The following CASK variants were observed in gnomAD, a reference collection of about 807,000 sequenced individuals.
CASK encodes the protein peripheral plasma membrane protein CASK.
In CASK, 4 loss-of-function variants were observed where a neutral mutation model predicts 82.9. That is an observed-to-expected ratio of 0.05 (90% CI 0.02 to 0.11). The LOEUF is 0.11. Among genes scored for constraint, CASK ranks in the 10% least tolerant of loss-of-function variants. The pLI is 1.00. For missense variants in CASK, 358 were observed against 720.9 expected, an observed-to-expected ratio of 0.50 and a Z score of 5.76; for synonymous variants, 259 against 253.5, an observed-to-expected ratio of 1.02 and a Z score of -0.20.
chrX:41,869,565 C>T lies in CASK; in HGVS notation c.60-16338G>A, dbSNP rs375037178. Among the ~76,000 whole-genome samples the T allele has an allele frequency of 2.2e-3, 247 of 109,858 alleles. 4 individuals are homozygous for T. The highest frequency in any genetic ancestry group is 7.8e-3 in the African/African-American group (236 of 30,215). On this transcript the variant is annotated intron_variant, in intron 1 of 26. Transcript: ENST00000378163. ...CAGTGACTCACGCCTGCAATCCCAG[C>T]GATCTGGGAGGCCAAGGTAGGTTGA...
At chrX:41,908,920 G>A (rs2148079707) in intron 1 of CASK, among the ~76,000 whole-genome samples, 1 of 112,188 alleles carries the variant, frequency 8.9e-6, no homozygotes, top group South Asian at 3.7e-4. Context: ...TAGCATAAAA[G>A]CAACCATAGA....
At chrX:41,729,764 AAAAAAAAAAAAAAAAAAAT>A (rs2068345368) in intron 5 of CASK, 1 of 80,903 alleles carries the variant, frequency 1.2e-5, no homozygotes, top group Non-Finnish European at 2.4e-5. Context: ...AAAAAAAAAA[AAAAAAAAAAAAAAAAAAAT>A]ATATATATAT....
chrX:41,535,638 C>T (rs1322402732), intron 22 of CASK, among the ~76,000 whole-genome samples: 1 of 111,525 alleles, frequency 9.0e-6, no homozygotes, highest in Non-Finnish European at 1.9e-5. Flanking sequence ...TACATGCTTT[C>T]CTGGGCCTGA....
At chrX:41,690,036 A>T (rs1178055287) in intron 5 of CASK, among the ~76,000 whole-genome samples, 1 of 111,262 alleles carries the variant, frequency 9.0e-6, no homozygotes, top group Non-Finnish European at 1.9e-5. Context: ...TAGGTTTTTG[A>T]ACTTGTGAAT....
rs746707347 is a variant in CASK at position 41,517,621 on chromosome X, G to A, written c.*2799C>T. 4 of 384,834 alleles carry A rather than the reference G, an allele frequency of 1.0e-5. No individual in the cohort carries two copies. Among genetic ancestry groups the A allele is most frequent in the Non-Finnish European group, 1.8e-5 (4 of 221,548 alleles). 31.7% of individuals were successfully genotyped at this position (384,834 alleles called of 1,213,427 possible). A position where few individuals can be genotyped will look rare whatever the true frequency, so the allele number is the denominator to read the frequency against. ...AATGTGGCTCTCCAATACTTCAATT[G>A]ACCACTAATAAGATTTAGTACTCTA... is the stretch of plus-strand genomic sequence containing the variant. On this transcript the variant is annotated 3_prime_UTR_variant, in exon 27 of 27. Transcript: ENST00000378163.
Position 41,675,764 on chromosome X carries a change from T to C in CASK, c.430-4234A>G, listed in dbSNP as rs1602446057. The C allele has an allele frequency of 3.3e-6, 4 of 1,202,106 alleles. No homozygotes were observed. The South Asian group carries it at 5.3e-5, about 16-fold the overall frequency. On this transcript the variant is annotated intron_variant, in intron 5 of 26. Coordinates refer to ENST00000378163, the MANE Select transcript of CASK (RefSeq NM_001367721.1). ...CAAAAGTTGGAAGGCCGGTTAATTT[T>C]CCCCTCCTTCTCCTGCTTCAGCTTC...
chrX:41,611,004 G>C (rs1034331743), intron 11 of CASK, among the ~76,000 whole-genome samples: 1 of 111,702 alleles, frequency 9.0e-6, no homozygotes, highest in African/African-American at 3.3e-5. Context: ...TTCTCAACCA[G>C]GGGCAATTTT....
intron 3 of CASK, among the ~76,000 whole-genome samples, chrX:41,754,501 T>C (rs1423367031): frequency 1.8e-5 from 2 of 111,668 alleles, no homozygotes; most frequent in African/African-American, 6.5e-5. Context: ...TGAAAGGAAA[T>C]AGAAGCAGAA....
chrX:41,887,341 C>CAT (rs1491309898), intron 1 of CASK, among the ~76,000 whole-genome samples: 1 of 101,673 alleles, frequency 9.8e-6, no homozygotes. Context: ...CACACACACA[C>CAT]AGTGTCAAAT....
At chrX:41,879,759 T>A (rs1422474859) in intron 1 of CASK, among the ~76,000 whole-genome samples, 1 of 112,138 alleles carries the variant, frequency 8.9e-6, no homozygotes, top group Non-Finnish European at 1.9e-5. Context: ...AATTCAAGAC[T>A]TATGGCTATT....
chrX:41,825,588 A>C (rs777484787), intron 2 of CASK, among the ~76,000 whole-genome samples: 30 of 112,291 alleles, frequency 2.7e-4, no homozygotes, highest in Admixed American at 1.4e-3. Flanking sequence ...TATTATGATG[A>C]AATCAAACTA....
At chrX:41,663,642 G>T (rs1423646801) in intron 7 of CASK, among the ~76,000 whole-genome samples, 2 of 112,155 alleles carry the variant, frequency 1.8e-5, no homozygotes, top group Non-Finnish European at 3.8e-5. Context: ...AAACTAGGAA[G>T]TTAACAACTG....
chrX:41,828,806 C>T lies in CASK; in HGVS notation c.172+24309G>A, dbSNP rs966935080. The stretch of plus-strand genomic sequence containing the variant: ...TACATTTTGCACCAATGCCTTCTGT[C>T]ATTATTTTTAAAGTAACCAATAAGG... On this transcript the variant is annotated intron_variant, in intron 2 of 26. Coordinates refer to ENST00000378163, the MANE Select transcript of CASK (RefSeq NM_001367721.1). Among the ~76,000 whole-genome samples the T allele has an allele frequency of 2.7e-5, 3 of 112,090 alleles. No individual in the cohort carries two copies. The Admixed American group carries it at 2.8e-4, about 11-fold the overall frequency.
chrX:41,788,658 C>A (rs1289861136), intron 2 of CASK, among the ~76,000 whole-genome samples: 1 of 110,797 alleles, frequency 9.0e-6, no homozygotes, highest in Non-Finnish European at 1.9e-5. Flanking sequence ...AAAGAGAAGC[C>A]ACAAGGAAAG....
At chrX:41,754,289 T>TA (rs1430136575) in intron 3 of CASK, among the ~76,000 whole-genome samples, 1 of 110,293 alleles carries the variant, frequency 9.1e-6, no homozygotes, top group Non-Finnish European at 1.9e-5. Flanking sequence ...TTGTCTCAGC[T>TA]ACTCAGGAGG....
chrX:41,829,419 G>C (rs949411436), intron 2 of CASK, among the ~76,000 whole-genome samples: 1 of 107,569 alleles, frequency 9.3e-6, no homozygotes, highest in Non-Finnish European at 1.9e-5. Flanking sequence ...TTATCATTAT[G>C]CTTGTGAGAT....
At chrX:41,560,160 A>C (rs1306900230) in intron 17 of CASK, among the ~76,000 whole-genome samples, 1 of 112,676 alleles carries the variant, frequency 8.9e-6, no homozygotes, top group African/African-American at 3.2e-5. Context: ...GTGAATATAC[A>C]TTGAATTAGA....
chrX:41,672,319 C>T (rs1275860345), intron 5 of CASK, among the ~76,000 whole-genome samples: 2 of 110,698 alleles, frequency 1.8e-5, no homozygotes, highest in Admixed American at 9.6e-5. Context: ...GGATGTTGTC[C>T]TCTGCATCTA....
intron 1 of CASK, among the ~76,000 whole-genome samples, chrX:41,853,961 C>G (rs1219302662): frequency 8.9e-6 from 1 of 111,824 alleles, no homozygotes; most frequent in African/African-American, 3.3e-5. Context: ...AAGACTTGAA[C>G]AAACACTTTA....
Sources: allele counts gnomAD v4.1 joint callset (sites outside exome capture counted in the v4.1 genomes callset), GRCh38; gene constraint gnomAD v4.1.1; transcripts MANE v1.5; gene names NCBI Gene and HGNC (gene_info 2026-07-23, HGNC 2026-07-21).